The following KCND2 variants were observed in gnomAD, a reference collection of about 807,000 sequenced individuals.
The protein encoded by KCND2 is A-type voltage-gated potassium channel KCND2.
KCND2 carries 16 observed loss-of-function variants against 54.4 expected under a neutral mutation model. That is an observed-to-expected ratio of 0.29 (90% CI 0.20 to 0.45). The LOEUF (loss-of-function observed/expected upper bound fraction) is 0.45, where lower values mean the gene tolerates loss of function less well. Among genes scored for constraint, KCND2 ranks in the 20% least tolerant of loss-of-function variants. KCND2 has a pLI of 1.00. For synonymous variants in KCND2, 317 were observed against 310.7 expected (o/e 1.02, Z -0.21); for missense variants, 486 against 824.2 (o/e 0.59, Z 5.02).
rs541371486 is a variant in KCND2 at position 120,677,336 on chromosome 7, A to G, written c.1116-55567A>G. Among the ~76,000 whole-genome samples, 4 of 152,228 alleles carry G rather than the reference A, an allele frequency of 2.6e-5. No homozygotes were observed. The South Asian group carries it at 8.3e-4, about 31-fold the overall frequency. ...GAATGAATCAGTACCAGGGAAGAGT[A>G]AACCAGTAAACCAAGAAACTGATGA... is the stretch of plus-strand genomic sequence containing the variant. On this transcript the variant is annotated intron_variant, in intron 1 of 5. Coordinates refer to ENST00000331113, the MANE Select transcript of KCND2 (RefSeq NM_012281.3).
At chr7:120,622,667 A>C (rs1163339644) in intron 1 of KCND2, among the ~76,000 whole-genome samples, 2 of 125,384 alleles carry the variant, frequency 1.6e-5, no homozygotes, top group Non-Finnish European at 3.1e-5. Context: ...TTTTCCTTAC[A>C]CACACACACA....
At chr7:120,686,897 A>G (rs905408135) in intron 1 of KCND2, among the ~76,000 whole-genome samples, 43 of 152,086 alleles carry the variant, frequency 2.8e-4, no homozygotes, top group Admixed American at 2.6e-3. Flanking sequence ...CACTAGTTTC[A>G]TTTGTTTCTA....
intron 1 of KCND2, among the ~76,000 whole-genome samples, chr7:120,539,241 A>G (rs1435535042): frequency 1.3e-5 from 2 of 152,166 alleles, no homozygotes; most frequent in Admixed American, 1.3e-4. Flanking sequence ...AAATCCTAGT[A>G]TTACTGTTTG....
chr7:120,693,443 CA>C (rs1792296626), intron 1 of KCND2, among the ~76,000 whole-genome samples: 1 of 151,000 alleles, frequency 6.6e-6, no homozygotes, highest in African/African-American at 2.4e-5. Flanking sequence ...TTTTTAGTGC[CA>C]AACATAGTAC....
intron 1 of KCND2, among the ~76,000 whole-genome samples, chr7:120,305,620 A>G (rs991878105): frequency 1.3e-5 from 2 of 152,152 alleles, no homozygotes; most frequent in African/African-American, 4.8e-5. Flanking sequence ...CAAAATCCTC[A>G]GTGGCTTTGC....
chr7:120,741,475 C>A, intron 2 of KCND2, 59 bp from the exon 3 acceptor site: 1 of 1,148,370 alleles, frequency 8.7e-7, no homozygotes, highest in Non-Finnish European at 1.3e-6. Context: ...AGGGTTCATT[C>A]ACTGTTTTAA....
At chr7:120,657,067 TA>T (rs542055381) in intron 1 of KCND2, among the ~76,000 whole-genome samples, 19 of 150,332 alleles carry the variant, frequency 1.3e-4, no homozygotes, top group East Asian at 3.9e-4. Context: ...TTAAAGGGGG[TA>T]AAAAAAAACA....
At chr7:120,629,225 C>G (rs1392511661) in intron 1 of KCND2, among the ~76,000 whole-genome samples, 1 of 152,198 alleles carries the variant, frequency 6.6e-6, no homozygotes, top group African/African-American at 2.4e-5. Flanking sequence ...CAGTGGCTCA[C>G]GCCTGTAATC....
At chr7:120,660,262 A>G (rs972869049) in intron 1 of KCND2, among the ~76,000 whole-genome samples, 13 of 152,238 alleles carry the variant, frequency 8.5e-5, no homozygotes, top group African/African-American at 3.1e-4. Flanking sequence ...AAAAGCAGTT[A>G]CCAGTGAACA....
intron 1 of KCND2, among the ~76,000 whole-genome samples, chr7:120,344,276 C>T (rs371336264): frequency 4.1e-4 from 62 of 152,100 alleles, no homozygotes; most frequent in Admixed American, 1.4e-3. Context: ...TAGACTGTAC[C>T]GCCTACTCAG....
chr7:120,410,354 TC>T (rs1405339889), intron 1 of KCND2, among the ~76,000 whole-genome samples: 20 of 152,130 alleles, frequency 1.3e-4, no homozygotes, highest in African/African-American at 4.6e-4. Flanking sequence ...TGTTTAAAAT[TC>T]TTTTTTGGCT....
At chr7:120,462,330 A>G (rs2116241702) in intron 1 of KCND2, among the ~76,000 whole-genome samples, 1 of 152,186 alleles carries the variant, frequency 6.6e-6, no homozygotes, top group African/African-American at 2.4e-5. Context: ...AATTAATAAA[A>G]ATTGAGTATC....
chr7:120,283,775 G>C (rs207468509), intron 1 of KCND2, among the ~76,000 whole-genome samples: 1 of 152,056 alleles, frequency 6.6e-6, no homozygotes, highest in Non-Finnish European at 1.5e-5. Context: ...CTAGTTAAAG[G>C]ATTTTCATTC....
chr7:120,711,758 GAGCAAC>G (rs1331917530), intron 1 of KCND2, among the ~76,000 whole-genome samples: 3 of 152,110 alleles, frequency 2.0e-5, no homozygotes, highest in Non-Finnish European at 4.4e-5. Flanking sequence ...TTCAGTTTCT[GAGCAAC>G]AGCAGTTCAA....
At chr7:120,567,862 A>G (rs1792317173) in intron 1 of KCND2, among the ~76,000 whole-genome samples, 1 of 152,130 alleles carries the variant, frequency 6.6e-6, no homozygotes, top group African/African-American at 2.4e-5. Context: ...TGTAGATAAG[A>G]TCACAGTCCA....
At chr7:120,341,360 G>T (rs1228913615) in intron 1 of KCND2, among the ~76,000 whole-genome samples, 2 of 152,176 alleles carry the variant, frequency 1.3e-5, no homozygotes, top group Non-Finnish European at 2.9e-5. Context: ...AGACCTGTGT[G>T]TTTCTCTGTG....
chr7:120,528,287 C>G (rs550767371), intron 1 of KCND2, among the ~76,000 whole-genome samples: 1 of 151,698 alleles, frequency 6.6e-6, no homozygotes, highest in African/African-American at 2.4e-5. Flanking sequence ...CTTAGCTGTG[C>G]GGAATGATTT....
chr7:120,291,382 A>G (rs1225308119), intron 1 of KCND2, among the ~76,000 whole-genome samples: 1 of 151,938 alleles, frequency 6.6e-6, no homozygotes, highest in Non-Finnish European at 1.5e-5. Context: ...CTCTGTAACT[A>G]TCTTTTGCCA....
At chr7:120,279,716 G>A (rs899302316) in intron 1 of KCND2, among the ~76,000 whole-genome samples, 1 of 151,804 alleles carries the variant, frequency 6.6e-6, no homozygotes, top group Non-Finnish European at 1.5e-5. Flanking sequence ...AAGCAGAAAA[G>A]TTTTCACTTA....
Sources: allele counts gnomAD v4.1 joint callset (sites outside exome capture counted in the v4.1 genomes callset), GRCh38; gene constraint gnomAD v4.1.1; transcripts MANE v1.5; gene names NCBI Gene and HGNC (gene_info 2026-07-23, HGNC 2026-07-21).